Variants in METTL21C observed in about 807,000 individuals in gnomAD.
METTL21C encodes methyltransferase 21C, AARS1 lysine, also known as protein-lysine methyltransferase METTL21C.
A neutral mutation model predicts 25.9 loss-of-function variants in METTL21C; 21 were observed. The ratio of observed to expected loss-of-function variants is 0.81; its 90% confidence interval spans 0.58 to 1.17. The LOEUF is 1.17. METTL21C is among the 50% of genes most tolerant of loss of function. METTL21C has a pLI of 0.00. For missense variants in METTL21C, 312 were observed against 315.1 expected (o/e 0.99, Z 0.07); for synonymous variants, 125 against 124.7 (o/e 1.00, Z -0.01).
the METTL21C span, among the ~76,000 whole-genome samples, chr13:102,703,785 A>G: frequency 6.6e-6 from 1 of 152,244 alleles, no homozygotes; most frequent in Non-Finnish European, 1.5e-5. Context: ...GAGTCAGGCA[A>G]GCAGGCAGAC....
upstream of METTL21C, among the ~76,000 whole-genome samples, chr13:102,697,576 C>T (rs1460978830): frequency 1.3e-5 from 2 of 152,076 alleles, no homozygotes; most frequent in Non-Finnish European, 2.9e-5. Flanking sequence ...TTGTTCCCGC[C>T]TCCCCTGTGT....
At chr13:102,691,500 C>A (rs1885830985) in intron 1 of METTL21C, among the ~76,000 whole-genome samples, 1 of 152,220 alleles carries the variant, frequency 6.6e-6, no homozygotes, top group African/African-American at 2.4e-5. Flanking sequence ...CAGGCGTGCG[C>A]CACCACGCCC....
chr13:102,698,013 A>G (rs1433826903), upstream of METTL21C, among the ~76,000 whole-genome samples: 1 of 152,220 alleles, frequency 6.6e-6, no homozygotes, highest in East Asian at 1.9e-4. Context: ...AACACATCTG[A>G]CACACATGAG....
upstream of METTL21C, among the ~76,000 whole-genome samples, chr13:102,696,725 C>A (rs191357828): frequency 2.0e-5 from 3 of 152,264 alleles, no homozygotes; most frequent in Admixed American, 2.0e-4. Flanking sequence ...CAACTCCAGG[C>A]TCTGGCAATT....
the METTL21C span, among the ~76,000 whole-genome samples, chr13:102,700,208 T>C: frequency 3.9e-5 from 6 of 152,218 alleles, no homozygotes; most frequent in African/African-American, 1.4e-4. Context: ...AGCACATGCC[T>C]GTCCCTAAGC....
Position 102,686,006 on chromosome 13 carries a change from C to T in METTL21C, c.*25G>A, listed in dbSNP as rs748635283. The T allele has an allele frequency of 3.9e-6, 6 of 1,542,040 alleles. No homozygotes were observed. The highest frequency in any genetic ancestry group is 1.3e-5 in the South Asian group (1 of 78,260). On this transcript the variant is annotated 3_prime_UTR_variant, in exon 4 of 4. Transcript: ENST00000267273. ...ACACATTGCTCAAAAGACACAGTAA[C>T]GTTGTGAAAGGCATTTTGTTGGATT...
chr13:102,701,981 A>G, the METTL21C span, among the ~76,000 whole-genome samples: 2 of 152,044 alleles, frequency 1.3e-5, no homozygotes, highest in African/African-American at 2.4e-5. Flanking sequence ...CCTAAACAAC[A>G]TGGTGAAACT....
rs1885665788 is a variant in METTL21C at position 102,686,214 on chromosome 13, C to T, written c.612G>A (p.Lys204=). The change falls in exon 4 of 4, where the codon AAG becomes AAA. Residue 204 remains lysine, a synonymous_variant. Transcript: ENST00000267273. ...AAAGGTACACCATGGTGGTGAGCAG[C>T]TTGTCCAGGAAGTAGTGATGGTAGA... ...DVVYHHYFLD[K]LLTTMVYLSQ... The T allele has an allele frequency of 3.1e-6, 5 of 1,614,076 alleles. No individual in the cohort carries two copies. Among genetic ancestry groups the T allele is most frequent in the African/African-American group, 1.3e-5 (1 of 74,916 alleles).
At position 102,687,051 on chromosome 13, in the gene METTL21C, C is replaced by A; in HGVS notation, c.289G>T (p.Ala97Ser). 6.2e-7 allele frequency: 1 copy of A among 1,611,390 alleles called. No homozygotes were observed. The change falls in exon 3 of 4, where the codon GCT becomes TCT. Residue 97 changes from alanine (A) to serine (S), a missense_variant. Transcript: ENST00000267273. ...TGTTCCTCCAAGTATTGACACAAAG[C>A]CATAGCCTAAAAAATAATTATAACT... ...YGAVVWPGAM[A>S]LCQYLEEHAE...
the METTL21C span, among the ~76,000 whole-genome samples, chr13:102,702,449 T>C: frequency 1.3e-5 from 2 of 152,150 alleles, no homozygotes; most frequent in Non-Finnish European, 2.9e-5. Context: ...GCTGTAACAA[T>C]TGGAAAGGAA....
chr13:102,687,077 T>C lies in METTL21C; in HGVS notation c.283-20A>G. The C allele has an allele frequency of 6.3e-7, 1 of 1,587,516 alleles. No homozygotes were observed. The highest frequency in any genetic ancestry group is 8.7e-7 in the Non-Finnish European group (1 of 1,155,880). On this transcript the variant is annotated intron_variant, in intron 2 of 3. Transcript: ENST00000267273. Reference sequence around the variant, plus strand: ...CATAGCCTAAAAAATAATTATAACTTTTCATGTGGGCATTGGAACATTGGA... The same window carrying C: ...CATAGCCTAAAAAATAATTATAACTCTTCATGTGGGCATTGGAACATTGGA...
chr13:102,685,897 T>TA lies in METTL21C; in HGVS notation c.*133dup, dbSNP rs1885652776. On this transcript the variant is annotated 3_prime_UTR_variant, in exon 4 of 4. Coordinates refer to ENST00000267273, the MANE Select transcript of METTL21C (RefSeq NM_001010977.3). ...AATTAGAAAGTTTCTGCAGTATTGT[T>TA]ACATTTGTTCCAAGTATACAAGTTG... 5.2e-6 allele frequency: 4 copies of TA among 776,304 alleles called. No homozygotes were observed. Among genetic ancestry groups the TA allele is most frequent in the Admixed American group, 6.9e-5 (2 of 28,930 alleles). The allele number at this position is 776,304 out of a possible 1,614,324, so 48.1% of individuals were successfully genotyped here. A position where few individuals can be genotyped will look rare whatever the true frequency, so the allele number is the denominator to read the frequency against.
intron 2 of METTL21C, among the ~76,000 whole-genome samples, chr13:102,689,111 A>C (rs984057617): frequency 6.7e-6 from 1 of 148,802 alleles, no homozygotes; most frequent in Non-Finnish European, 1.5e-5. Context: ...TATTTTTAAA[A>C]GGGAGATGGG....
At chr13:102,688,794 G>A (rs1452691796) in intron 2 of METTL21C, among the ~76,000 whole-genome samples, 2 of 152,202 alleles carry the variant, frequency 1.3e-5, no homozygotes, top group African/African-American at 2.4e-5. Flanking sequence ...CCTGTGAGGG[G>A]CTGGCCGCAG....
chr13:102,689,970 T>G (rs896570713), intron 2 of METTL21C, among the ~76,000 whole-genome samples: 1 of 152,212 alleles, frequency 6.6e-6, no homozygotes, highest in Non-Finnish European at 1.5e-5. Flanking sequence ...TGAACATTTG[T>G]GACTACCCAG....
chr13:102,696,903 G>A (rs1885955902), upstream of METTL21C, among the ~76,000 whole-genome samples: 1 of 152,192 alleles, frequency 6.6e-6, no homozygotes, highest in Non-Finnish European at 1.5e-5. Flanking sequence ...CAAAGGTTCA[G>A]GAAGGGATTG....
chr13:102,688,878 C>T (rs868282890), intron 2 of METTL21C, among the ~76,000 whole-genome samples: 1 of 152,046 alleles, frequency 6.6e-6, no homozygotes, highest in Non-Finnish European at 1.5e-5. Context: ...CCCCGCCAGC[C>T]CCTTGTCCTG....
the METTL21C span, among the ~76,000 whole-genome samples, chr13:102,703,287 G>C: frequency 6.6e-6 from 1 of 152,094 alleles, no homozygotes; most frequent in East Asian, 1.9e-4. Context: ...TTAGTCAATG[G>C]GCAGCTGGAA....
In METTL21C at chr13:102,694,608, T is replaced by C. The variant is rs1484788877; in HGVS notation, c.-110A>G. The C allele has an allele frequency of 3.2e-6, 1 of 307,852 alleles. No homozygotes were observed. The highest frequency in any genetic ancestry group is 5.0e-6 in the Non-Finnish European group (1 of 198,502). The allele number at this position is 307,852 out of a possible 1,614,324, so 19.1% of individuals were successfully genotyped here. ...CAGCACATCTATGATCTACATCGCA[T>C]GTTCGTAATTAATACAGAATTGGAA... On this transcript the variant is annotated 5_prime_UTR_variant, in exon 1 of 4. An upstream start codon of the reference 5' UTR is lost. Coordinates refer to ENST00000267273, the MANE Select transcript of METTL21C (RefSeq NM_001010977.3).
Sources: allele counts gnomAD v4.1 joint callset (sites outside exome capture counted in the v4.1 genomes callset), GRCh38; gene constraint gnomAD v4.1.1; transcripts MANE v1.5; gene names NCBI Gene and HGNC (gene_info 2026-07-23, HGNC 2026-07-21).